ELP1: variants seen among roughly 807,000 people sequenced by gnomAD.
ELP1 encodes elongator complex protein 1.
A neutral mutation model predicts 183.2 loss-of-function variants in ELP1; 131 were observed. That is an observed-to-expected ratio of 0.72 (90% CI 0.62 to 0.83). The LOEUF is 0.83. Among genes scored for constraint, ELP1 ranks in the 40% least tolerant of loss-of-function variants. ELP1 has a pLI of 0.00. For missense variants in ELP1, 1,550 were observed against 1,594.9 expected (o/e 0.97, Z 0.48); for synonymous variants, 555 against 569.0 (o/e 0.98, Z 0.35).
At position 108,906,211 on chromosome 9, in the gene ELP1, G is replaced by A; in HGVS notation, c.1643+92C>T. 4 of 1,243,616 alleles carry A rather than the reference G, an allele frequency of 3.2e-6. No homozygotes were observed. In the South Asian group the frequency reaches 4.9e-5, roughly 15 times the overall value. The allele number at this position is 1,243,616 out of a possible 1,614,324, so 77.0% of individuals were successfully genotyped here. A position where few individuals can be genotyped will look rare whatever the true frequency, so the allele number is the denominator to read the frequency against. On this transcript the variant is annotated intron_variant, in intron 14 of 36. Coordinates refer to ENST00000374647, the MANE Select transcript of ELP1 (RefSeq NM_003640.5). ...AAGAAAGCTACTGCTCCTCAACCTT[G>A]ATCAATAGAAGTCAAAAGTTGTATG...
intron 29 of ELP1, among the ~76,000 whole-genome samples, chr9:108,884,331 G>A (rs1278708928): frequency 1.3e-5 from 2 of 152,116 alleles, no homozygotes; most frequent in African/African-American, 2.4e-5. Context: ...CACTTTCCCA[G>A]TCATTGATAG....
intron 6 of ELP1, among the ~76,000 whole-genome samples, chr9:108,921,781 A>G (rs1829656148): frequency 6.6e-6 from 1 of 152,240 alleles, no homozygotes; most frequent in African/African-American, 2.4e-5. Flanking sequence ...CCCACTATGC[A>G]TATTTTACTC....
At chr9:108,925,647 C>G (rs2132042093) in intron 5 of ELP1, among the ~76,000 whole-genome samples, 1 of 152,316 alleles carries the variant, frequency 6.6e-6, no homozygotes, top group East Asian at 1.9e-4. Context: ...TTACTCGTTT[C>G]CTTCCCTTAT....
intron 6 of ELP1, among the ~76,000 whole-genome samples, chr9:108,921,807 T>C (rs1829657715): frequency 1.3e-5 from 2 of 152,228 alleles, no homozygotes; most frequent in African/African-American, 2.4e-5. Context: ...AAAGTTGTTT[T>C]GAAATAAAAA....
rs764894465 is a variant in ELP1, at chr9:108,880,017, C to A, written c.3460+35G>T. ...GTGTGGCGTTACCCAACCCCACTGC[C>A]CCCGCACGTCGATGGCCTTCACGCA... On this transcript the variant is annotated intron_variant, in intron 32 of 36. Coordinates refer to ENST00000374647, the MANE Select transcript of ELP1 (RefSeq NM_003640.5). The A allele has an allele frequency of 5.3e-6, 7 of 1,309,138 alleles. No homozygotes were observed. The South Asian group carries it at 8.2e-5, about 15-fold the overall frequency. 81.1% of individuals were successfully genotyped at this position (1,309,138 alleles called of 1,614,324 possible).
rs971547907 is a variant in ELP1, at chr9:108,867,542, T to C, written c.*1573A>G. ...TTATCAATAAACACATTTACTTCTA[T>C]TTCCAGTCTATCAGCATGGGTCCCT... On this transcript the variant is annotated 3_prime_UTR_variant, in exon 37 of 37. Coordinates refer to ENST00000374647, the MANE Select transcript of ELP1 (RefSeq NM_003640.5). 5 of 152,208 alleles carry C rather than the reference T, an allele frequency of 3.3e-5. No homozygotes were observed. Among genetic ancestry groups the C allele is most frequent in the African/African-American group, 7.2e-5 (3 of 41,452 alleles). The allele number at this position is 152,208 out of a possible 1,614,324, so 9.4% of individuals were successfully genotyped here. A position where few individuals can be genotyped will look rare whatever the true frequency, so the allele number is the denominator to read the frequency against.
chr9:108,875,933 A>T (rs1827689827), intron 35 of ELP1, among the ~76,000 whole-genome samples: 1 of 152,040 alleles, frequency 6.6e-6, no homozygotes, highest in Non-Finnish European at 1.5e-5. Context: ...CTTAATGTGA[A>T]TATGTGATCA....
At chr9:108,872,679 C>T (rs1046641727) in intron 36 of ELP1, among the ~76,000 whole-genome samples, 1 of 150,232 alleles carries the variant, frequency 6.7e-6, no homozygotes. Context: ...ATGGCGGGCG[C>T]CTGTAGTCCC....
chr9:108,915,321 A>C (rs1374841913), intron 10 of ELP1, among the ~76,000 whole-genome samples: 2 of 152,220 alleles, frequency 1.3e-5, no homozygotes, highest in Non-Finnish European at 2.9e-5. Context: ...GTTGCTGTGA[A>C]GGTATTCTGT....
In ELP1 at chr9:108,869,192, A is replaced by G. The variant is rs780597920; in HGVS notation, c.3932-10T>C. On this transcript the variant is annotated splice_polypyrimidine_tract_variant and intron_variant, in intron 36 of 36. Coordinates refer to ENST00000374647, the MANE Select transcript of ELP1 (RefSeq NM_003640.5). ...ATAAAAAGCTCAGCATCTAAAAGCA[A>G]GAAAGGAAGGGAAATTGTGACAGAC... 3 of 1,613,500 alleles carry G rather than the reference A, an allele frequency of 1.9e-6. No homozygotes were observed. In the South Asian group the frequency reaches 3.3e-5, roughly 18 times the overall value.
At position 108,906,347 on chromosome 9, in the gene ELP1, T is replaced by C. The variant is rs771318456; in HGVS notation, c.1599A>G (p.Ala533=). 2.3e-4 allele frequency: 365 copies of C among 1,613,970 alleles called. No individual in the cohort carries two copies. The highest frequency in any genetic ancestry group is 3.0e-4 in the Non-Finnish European group (351 of 1,179,950). ...SPRSVIHHLT[A]ASSEMDEEHG... ...GCTCTTCATCCATCTCAGAAGAAGC[T>C]GCAGTCAAATGGTGAATGACAGACC... is the stretch of plus-strand genomic sequence containing the variant. The change falls in exon 14 of 37, where the codon GCA becomes GCG. Residue 533 remains alanine, a synonymous_variant. Transcript: ENST00000374647.
chr9:108,929,041 G>A (rs1042277535), intron 3 of ELP1, among the ~76,000 whole-genome samples: 2 of 152,172 alleles, frequency 1.3e-5, no homozygotes, highest in Non-Finnish European at 2.9e-5. Flanking sequence ...AAATTTGCAT[G>A]AAAAGCACTT....
At position 108,917,629 on chromosome 9, in the gene ELP1, T is replaced by G. The variant is rs773795684; in HGVS notation, c.782A>C (p.Asn261Thr). 15 of 1,614,068 alleles carry G rather than the reference T, an allele frequency of 9.3e-6. No homozygotes were observed. The highest frequency in any genetic ancestry group is 1.2e-5 in the Non-Finnish European group (14 of 1,179,914). The change falls in exon 9 of 37, where the codon AAC becomes ACC. Residue 261 changes from asparagine (N) to threonine (T), a missense_variant. Asn to Thr is a moderately conservative substitution (Grantham distance 65). Coordinates refer to ENST00000374647, the MANE Select transcript of ELP1 (RefSeq NM_003640.5). ...CTCAAAAAACACAATATCCTGCTGG[T>G]TGGGTTTATCTTGTGTAGATGCAAT... Reference protein sequence around the residue: ...SLIASTQDKPNQQDIVFFEKN... With the variant: ...SLIASTQDKPTQQDIVFFEKN...
At chr9:108,896,687 G>GA (rs1422218092) in intron 24 of ELP1, 43 bp from the exon 25 acceptor site, 8 of 1,594,318 alleles carry the variant, frequency 5.0e-6, no homozygotes, top group Middle Eastern at 1.7e-4. Flanking sequence ...ATCATTTGGG[G>GA]AAAAAATCCA....
chr9:108,911,123 T>G lies in ELP1; in HGVS notation c.1247A>C (p.Tyr416Ser). The G allele has an allele frequency of 6.2e-7, 1 of 1,614,132 alleles. No individual in the cohort carries two copies. Among genetic ancestry groups the G allele is most frequent in the Non-Finnish European group, 8.5e-7 (1 of 1,179,996 alleles). The part of the protein sequence containing the change: ...QTVVPPPMCT[Y>S]QLLFPHPVNQ... Reference sequence around the variant, plus strand: ...CACAGGGTGTGGGAACAGCAGTTGGTAGGTGCACATGGGAGGCGGAACCAC... The same window carrying G: ...CACAGGGTGTGGGAACAGCAGTTGGGAGGTGCACATGGGAGGCGGAACCAC... The change falls in exon 12 of 37, where the codon TAC becomes TCC. Residue 416 changes from tyrosine to serine, a missense_variant. Tyr to Ser is a moderately radical substitution (Grantham distance 144). Transcript: ENST00000374647.
At position 108,911,159 on chromosome 9, in the gene ELP1, A is replaced by G. The variant is rs1410649262; in HGVS notation, c.1211T>C (p.Phe404Ser). The G allele has an allele frequency of 1.9e-6, 3 of 1,614,070 alleles. No individual in the cohort carries two copies. Among genetic ancestry groups the G allele is most frequent in the Admixed American group, 3.3e-5 (2 of 60,006 alleles). Residue 404 changes from phenylalanine (F) to serine (S), a missense_variant, in exon 12 of 37, where the codon TTC becomes TCC. Transcript: ENST00000374647. ...GGGAGGCGGAACCACAGTCTGCCGGAAGACTGTCACCAACACCCTGTCTGC... is the reference window on the plus strand; with the variant it reads ...GGGAGGCGGAACCACAGTCTGCCGGGAGACTGTCACCAACACCCTGTCTGC... ...IDGNRVLVTVFRQTVVPPPMC... is the reference protein window; with the variant it reads ...IDGNRVLVTVSRQTVVPPPMC...
intron 18 of ELP1, among the ~76,000 whole-genome samples, 169 bp from the exon 19 acceptor site, chr9:108,900,544 C>T (rs149529575): frequency 0.016 from 2,374 of 152,336 alleles, 30 homozygotes; most frequent in Non-Finnish European, 0.024. Flanking sequence ...TGAACACGCT[C>T]ATCCCTGGAA....
intron 36 of ELP1, 143 bp downstream of exon 36, chr9:108,874,752 T>C: frequency 1.5e-6 from 1 of 671,966 alleles, no homozygotes; most frequent in East Asian, 2.7e-5. Flanking sequence ...GATGCGGTCT[T>C]AGAATTGAGG....
intron 10 of ELP1, among the ~76,000 whole-genome samples, chr9:108,914,426 TCTA>T (rs1187915461): frequency 1.9e-5 from 2 of 105,772 alleles, no homozygotes; most frequent in African/African-American, 8.2e-5. Flanking sequence ...GGGGGGGGGT[TCTA>T]CTGATTAAAG....
Sources: gnomAD v4.1 joint callset for allele counts (sites outside exome capture counted in the v4.1 genomes callset) on GRCh38, gnomAD v4.1.1 for gene constraint, MANE v1.5 for transcripts, NCBI Gene and HGNC (gene_info 2026-07-23, HGNC 2026-07-21) for gene names.